UPB1: variants seen among roughly 807,000 people sequenced by gnomAD.
The protein encoded by UPB1 is beta-ureidopropionase.
UPB1 carries 40 observed loss-of-function variants against 49.1 expected under a neutral mutation model. The ratio of observed to expected loss-of-function variants is 0.81; its 90% CI spans 0.63 to 1.06. The LOEUF is 1.06. Among genes scored for constraint, UPB1 ranks in the 50% least tolerant of loss-of-function variants. The pLI, the probability that UPB1 is intolerant of heterozygous loss-of-function variation, is 0.00. For missense variants in UPB1, 499 were observed against 505.9 expected, an observed-to-expected ratio of 0.99 and a Z score of 0.13; for synonymous variants, 207 against 198.2, an observed-to-expected ratio of 1.04 and a Z score of -0.38.
chr22:24,502,284 T>C, intron 3 of UPB1, 71 bp downstream of exon 3: 2 of 1,475,782 alleles, frequency 1.4e-6, no homozygotes, highest in African/African-American at 2.8e-5. Context: ...TTGCCAAGAG[T>C]GTCTGCTGCC....
At chr22:24,524,144 G>A (rs771754399) in intron 9 of UPB1, among the ~76,000 whole-genome samples, 6 of 152,122 alleles carry the variant, frequency 3.9e-5, no homozygotes, top group Non-Finnish European at 8.8e-5. Flanking sequence ...GGTTCTGCTT[G>A]TGGCCAGTCC....
chr22:24,498,888 G>A (rs3788372), intron 1 of UPB1, among the ~76,000 whole-genome samples: 75,334 of 152,054 alleles, frequency 0.5, 19,822 homozygotes, highest in Non-Finnish European at 0.59. Context: ...TTCTCCTGGT[G>A]TCTGCCCACA....
rs2043968541 is a variant in UPB1 at position 24,500,251 on chromosome 22, C to G, written c.249C>G (p.Leu83=). 1 of 1,614,208 alleles carries G rather than the reference C, an allele frequency of 6.2e-7. No individual in the cohort carries two copies. The highest frequency in any genetic ancestry group is 8.5e-7 in the Non-Finnish European group (1 of 1,180,046). Residue 83 remains leucine, a synonymous_variant, in exon 2 of 10, where the codon CTC becomes CTG. Coordinates refer to ENST00000326010, the MANE Select transcript of UPB1 (RefSeq NM_016327.3). The stretch of plus-strand genomic sequence containing the variant: ...GGCTGGTTCAGAACAGAATCCCCCT[C>G]CCCGCAAATGCCCCTGTGGCAGAAC... ...HVGLVQNRIP[L]PANAPVAEQV...
chr22:24,512,094 C>G (rs1328966918), intron 4 of UPB1, among the ~76,000 whole-genome samples: 1 of 151,908 alleles, frequency 6.6e-6, no homozygotes, highest in Non-Finnish European at 1.5e-5. Flanking sequence ...TTTATCAATA[C>G]TCAGTTGTGA....
intron 3 of UPB1, among the ~76,000 whole-genome samples, chr22:24,504,875 A>G (rs2044060194): frequency 6.7e-6 from 1 of 149,734 alleles, no homozygotes; most frequent in Non-Finnish European, 1.5e-5. Flanking sequence ...CCATAGATGC[A>G]TACCACCACA....
chr22:24,509,030 A>G (rs1261833032), intron 3 of UPB1, among the ~76,000 whole-genome samples: 1 of 152,232 alleles, frequency 6.6e-6, no homozygotes, highest in Non-Finnish European at 1.5e-5. Context: ...GGCAAAGGGT[A>G]TGAACAAAAA....
At position 24,528,372 on chromosome 22, in the gene UPB1, C is replaced by T. The variant is rs574040971; in HGVS notation, c.*2578C>T. On this transcript the variant is annotated 3_prime_UTR_variant, in exon 10 of 10. Coordinates refer to ENST00000326010, the MANE Select transcript of UPB1 (RefSeq NM_016327.3). ...CTCATCCCTGGAACATGCAGATGCT[C>T]AGTAAACATTTGAATGAATCTGTGG... is the stretch of plus-strand genomic sequence containing the variant. 18 of 152,362 alleles carry T rather than the reference C, an allele frequency of 1.2e-4. No homozygotes were observed. Among genetic ancestry groups the T allele is most frequent in the African/African-American group, 4.3e-4 (18 of 41,576 alleles). 9.4% of individuals were successfully genotyped at this position (152,362 alleles called of 1,614,324 possible).
chr22:24,506,503 C>T (rs2147011914), intron 3 of UPB1, among the ~76,000 whole-genome samples: 1 of 152,286 alleles, frequency 6.6e-6, no homozygotes, highest in South Asian at 2.1e-4. Context: ...ATCTTTCCGC[C>T]TTCCAGCTTC....
Position 24,521,976 on chromosome 22 carries a change from TA to T in UPB1, c.874-9del. 6.2e-7 allele frequency: 1 copy of T among 1,614,112 alleles called. No homozygotes were observed. Among genetic ancestry groups the T allele is most frequent in the Non-Finnish European group, 8.5e-7 (1 of 1,179,984 alleles). ...CTATAGGTTCCTCTTACCTTGGTCT[TA>T]TTTCACAGGAGCACTTCCCGAACGA... On this transcript the variant is annotated splice_polypyrimidine_tract_variant and intron_variant, in intron 7 of 9. Transcript: ENST00000326010.
intron 3 of UPB1, among the ~76,000 whole-genome samples, chr22:24,507,583 A>T (rs979072845): frequency 6.6e-6 from 1 of 152,206 alleles, no homozygotes; most frequent in Non-Finnish European, 1.5e-5. Flanking sequence ...GAGTAAAAGG[A>T]ATAAAGGAGT....
chr22:24,500,210 C>T lies in UPB1; in HGVS notation c.208C>T (p.Arg70Cys), dbSNP rs755533170. Residue 70 changes from arginine (R) to cysteine (C), a missense_variant, in exon 2 of 10, where the codon CGC (arginine) becomes TGC (cysteine). Transcript: ENST00000326010. The part of the protein sequence containing the change: ...EAAEEQLRRP[R>C]IVHVGLVQNR... ...AGCGGAGGAGCAGCTGAGACGACCCCGCATTGTGCACGTGGGGCTGGTTCA... is the reference window on the plus strand; with the variant it reads ...AGCGGAGGAGCAGCTGAGACGACCCTGCATTGTGCACGTGGGGCTGGTTCA... 25 of 1,614,092 alleles carry T rather than the reference C, an allele frequency of 1.5e-5. No homozygotes were observed. Among genetic ancestry groups the T allele is most frequent in the African/African-American group, 4.0e-5 (3 of 74,924 alleles).
intron 3 of UPB1, among the ~76,000 whole-genome samples, chr22:24,509,361 GAAAAAAAAAA>G (rs202081655): frequency 3.1e-3 from 289 of 92,114 alleles, no homozygotes; most frequent in African/African-American, 0.011. Flanking sequence ...CCTACTGTTT[GAAAAAAAAAA>G]AAAAAAAAAA....
intron 2 of UPB1, among the ~76,000 whole-genome samples, chr22:24,501,339 G>A (rs900631326): frequency 4.6e-5 from 7 of 152,188 alleles, no homozygotes; most frequent in African/African-American, 1.4e-4. Context: ...TTGAACAAAC[G>A]CTTTTGAATG....
chr22:24,524,882 A>G (rs2044456071), intron 9 of UPB1, among the ~76,000 whole-genome samples: 2 of 152,140 alleles, frequency 1.3e-5, no homozygotes, highest in South Asian at 4.1e-4. Context: ...AGGGCCTCTA[A>G]TCCACCCAGA....
intron 3 of UPB1, among the ~76,000 whole-genome samples, chr22:24,507,809 T>C (rs1415236293): frequency 6.6e-6 from 1 of 152,048 alleles, no homozygotes; most frequent in Non-Finnish European, 1.5e-5. Flanking sequence ...AACTCATACA[T>C]GTTCAGGACA....
At chr22:24,511,867 G>A (rs544092551) in intron 4 of UPB1, among the ~76,000 whole-genome samples, 147 of 151,962 alleles carry the variant, frequency 9.7e-4, no homozygotes, top group African/African-American at 3.4e-3. Context: ...CCGCCACCTC[G>A]GCCTCCCAAA....
At chr22:24,522,564 C>G (rs952674208) in intron 8 of UPB1, among the ~76,000 whole-genome samples, 4 of 152,016 alleles carry the variant, frequency 2.6e-5, no homozygotes, top group African/African-American at 4.8e-5. Context: ...GGGACTGCCC[C>G]CCTCACCAAG....
At position 24,500,211 on chromosome 22, in the gene UPB1, G is replaced by C. The variant is rs121908066; in HGVS notation, c.209G>C (p.Arg70Pro). The change falls in exon 2 of 10, where the codon CGC becomes CCC. Residue 70 changes from arginine to proline, a missense_variant. Physicochemically the swap from Arg to Pro is moderately radical, Grantham distance 103 (BLOSUM62 -2). Transcript: ENST00000326010. ...GCGGAGGAGCAGCTGAGACGACCCC[G>C]CATTGTGCACGTGGGGCTGGTTCAG... ...EAAEEQLRRP[R>P]IVHVGLVQNR... is the part of the protein sequence containing the mutation. 300 of 1,614,098 alleles carry C rather than the reference G, an allele frequency of 1.9e-4. No homozygotes were observed. Among genetic ancestry groups the C allele is most frequent in the Non-Finnish European group, 2.4e-4 (278 of 1,180,032 alleles).
At chr22:24,521,872 C>T (rs545428018) in intron 7 of UPB1, 114 bp from the exon 8 acceptor site, 2 of 1,096,580 alleles carry the variant, frequency 1.8e-6, no homozygotes, top group East Asian at 2.5e-5. Context: ...TTAACTGTTT[C>T]CTGGCTGACT....
Sources: gnomAD v4.1 joint callset for allele counts (sites outside exome capture counted in the v4.1 genomes callset) on GRCh38, gnomAD v4.1.1 for gene constraint, MANE v1.5 for transcripts, NCBI Gene and HGNC (gene_info 2026-07-23, HGNC 2026-07-21) for gene names.